Variants in SLC25A21 observed in about 807,000 individuals in gnomAD.
The protein encoded by SLC25A21 is solute carrier family 25 member 21.
SLC25A21 carries 47 observed loss-of-function variants against 43.8 expected under a neutral mutation model. The observed-to-expected ratio is 1.07, with a 90% confidence interval of 0.85 to 1.37. SLC25A21 has a LOEUF of 1.37. SLC25A21 is among the 40% of genes most tolerant of loss of function. The pLI, the probability that SLC25A21 is intolerant of heterozygous loss-of-function variation, is 0.00. For synonymous variants in SLC25A21, 131 were observed against 121.3 expected (o/e 1.08, Z -0.52); for missense variants, 352 against 350.2 (o/e 1.00, Z -0.04).
At chr14:37,168,824 T>C (rs1781991605) in intron 1 of SLC25A21, among the ~76,000 whole-genome samples, 1 of 152,150 alleles carries the variant, frequency 6.6e-6, no homozygotes, top group Admixed American at 6.5e-5. Flanking sequence ...TGTGGCACTC[T>C]GACAACCTTA....
At chr14:37,084,569 ATGT>A (rs1962448536) in intron 1 of SLC25A21, among the ~76,000 whole-genome samples, 2 of 152,242 alleles carry the variant, frequency 1.3e-5, no homozygotes, top group Non-Finnish European at 2.9e-5. Flanking sequence ...CTACCAAAAT[ATGT>A]TGTTATTTGT....
At chr14:36,869,735 T>C (rs1475735318) in intron 2 of SLC25A21, among the ~76,000 whole-genome samples, 1 of 152,196 alleles carries the variant, frequency 6.6e-6, no homozygotes, top group African/African-American at 2.4e-5. Flanking sequence ...AGGATGACGA[T>C]AATATTTTCA....
chr14:36,860,239 G>A (rs712373), intron 2 of SLC25A21, among the ~76,000 whole-genome samples: 60,140 of 151,868 alleles, frequency 0.4, 12,277 homozygotes, highest in South Asian at 0.48. Flanking sequence ...AGGTCGAGAA[G>A]AAGCCAGTCA....
intron 3 of SLC25A21, among the ~76,000 whole-genome samples, chr14:36,805,748 T>A (rs750718311): frequency 6.6e-6 from 1 of 152,182 alleles, no homozygotes; most frequent in Non-Finnish European, 1.5e-5. Context: ...AAATTTAAAG[T>A]TCTTAGCTAC....
intron 2 of SLC25A21, among the ~76,000 whole-genome samples, chr14:36,831,690 T>C (rs533764373): frequency 1.3e-5 from 2 of 152,134 alleles, no homozygotes; most frequent in African/African-American, 4.8e-5. Flanking sequence ...CACAGCAAGA[T>C]AATTTTATTA....
intron 3 of SLC25A21, among the ~76,000 whole-genome samples, chr14:36,737,455 C>T (rs1240678500): frequency 3.3e-5 from 5 of 152,142 alleles, no homozygotes; most frequent in Non-Finnish European, 5.9e-5. Flanking sequence ...TCGTTCCCCT[C>T]CTCCCATACC....
At chr14:36,744,983 A>G (rs1476838711) in intron 3 of SLC25A21, among the ~76,000 whole-genome samples, 1 of 151,714 alleles carries the variant, frequency 6.6e-6, no homozygotes, top group East Asian at 1.9e-4. Flanking sequence ...TACATTAGGT[A>G]TTTCTCCTAA....
intron 1 of SLC25A21, among the ~76,000 whole-genome samples, chr14:37,130,902 T>C (rs1343083197): frequency 6.6e-6 from 1 of 152,214 alleles, no homozygotes; most frequent in African/African-American, 2.4e-5. Context: ...AAGGTTCTCC[T>C]AATGGGCTAG....
At chr14:37,104,263 G>A (rs1311658621) in intron 1 of SLC25A21, among the ~76,000 whole-genome samples, 1 of 152,206 alleles carries the variant, frequency 6.6e-6, no homozygotes, top group African/African-American at 2.4e-5. Context: ...TTCCATGTGA[G>A]GAAGCAGCAA....
chr14:36,864,158 T>C (rs746108782), intron 2 of SLC25A21, among the ~76,000 whole-genome samples: 23 of 151,930 alleles, frequency 1.5e-4, no homozygotes, highest in Admixed American at 3.3e-4. Flanking sequence ...CGTTTTAGGG[T>C]CATTCCTAGG....
intron 4 of SLC25A21, among the ~76,000 whole-genome samples, chr14:36,733,094 T>C (rs987035470): frequency 2.0e-5 from 3 of 152,222 alleles, no homozygotes; most frequent in Non-Finnish European, 4.4e-5. Context: ...TCTTAAAGTT[T>C]AAATTGTCTC....
At chr14:37,106,811 G>A (rs1038020697) in intron 1 of SLC25A21, among the ~76,000 whole-genome samples, 1 of 152,138 alleles carries the variant, frequency 6.6e-6, no homozygotes, top group East Asian at 1.9e-4. Flanking sequence ...CTACCGATAT[G>A]TGATATCACC....
chr14:36,748,960 C>A (rs1048542021), intron 3 of SLC25A21, among the ~76,000 whole-genome samples: 5 of 152,188 alleles, frequency 3.3e-5, no homozygotes, highest in Non-Finnish European at 7.3e-5. Context: ...CCTAAGGTTT[C>A]TCTGTCTATC....
intron 3 of SLC25A21, among the ~76,000 whole-genome samples, chr14:36,810,195 C>G (rs534777496): frequency 6.6e-6 from 1 of 152,106 alleles, no homozygotes; most frequent in Non-Finnish European, 1.5e-5. Context: ...TCAATTTGCT[C>G]TAGAAGCAAT....
chr14:36,858,859 T>G (rs1594646172), intron 2 of SLC25A21, among the ~76,000 whole-genome samples: 1 of 152,188 alleles, frequency 6.6e-6, no homozygotes, highest in Non-Finnish European at 1.5e-5. Flanking sequence ...AAGATAGATT[T>G]TAGGGTCATT....
intron 1 of SLC25A21, among the ~76,000 whole-genome samples, chr14:36,930,992 C>A (rs545041097): frequency 6.6e-6 from 1 of 152,194 alleles, no homozygotes; most frequent in African/African-American, 2.4e-5. Flanking sequence ...TAGAAATGAC[C>A]TCTTCTGAGA....
intron 2 of SLC25A21, among the ~76,000 whole-genome samples, chr14:36,853,391 C>G (rs562562925): frequency 6.6e-6 from 1 of 152,342 alleles, no homozygotes; most frequent in East Asian, 1.9e-4. Flanking sequence ...TGCTCAAGCT[C>G]TCTCTCACAT....
At chr14:36,885,489 T>C (rs1890887782) in intron 1 of SLC25A21, among the ~76,000 whole-genome samples, 1 of 152,212 alleles carries the variant, frequency 6.6e-6, no homozygotes, top group South Asian at 2.1e-4. Flanking sequence ...TTTTTCTATT[T>C]CTGTGGAAAT....
intron 3 of SLC25A21, among the ~76,000 whole-genome samples, chr14:36,769,170 A>G (rs17105265): frequency 0.015 from 2,334 of 152,242 alleles, 59 homozygotes; most frequent in African/African-American, 0.053. Context: ...AACACACTCT[A>G]TTTGGCAGTG....
Sources: gnomAD v4.1 joint callset for allele counts (sites outside exome capture counted in the v4.1 genomes callset) on GRCh38, gnomAD v4.1.1 for gene constraint, MANE v1.5 for transcripts, NCBI Gene and HGNC (gene_info 2026-07-23, HGNC 2026-07-21) for gene names.